The following KANSL1 variants were observed in gnomAD, a reference collection of about 807,000 sequenced individuals.
KANSL1 encodes the protein KAT8 regulatory NSL complex subunit 1.
A neutral mutation model predicts 103.6 loss-of-function variants in KANSL1; 22 were observed. The observed-to-expected ratio is 0.21, with a 90% CI of 0.15 to 0.30. KANSL1 has a LOEUF of 0.30. Ranked by LOEUF, KANSL1 falls within the 10% of genes least tolerant of loss-of-function variation. KANSL1 has a pLI of 1.00. For missense variants in KANSL1, 1,337 were observed against 1,399.8 expected, an observed-to-expected ratio of 0.96 and a Z score of 0.72; for synonymous variants, 600 against 527.6, an observed-to-expected ratio of 1.14 and a Z score of -1.88.
rs760084513 is a variant in KANSL1 at position 46,031,704 on chromosome 17, C to CTGTA, written c.3091-5_3091-2dup. 3 of 1,593,514 alleles carry CTGTA rather than the reference C, an allele frequency of 1.9e-6. No individual in the cohort carries two copies. The highest frequency in any genetic ancestry group is 2.6e-6 in the Non-Finnish European group (3 of 1,164,636). ...TCCGCCGCTCCCAGGGCTGGACAGA[C>CTGTA]TGTAGGCAGACAAGTTGCTCTTTGA... On this transcript the variant is annotated splice_acceptor_variant, in intron 14 of 14. Coordinates refer to ENST00000432791, the MANE Select transcript of KANSL1 (RefSeq NM_015443.4). LOFTEE classifies it high-confidence loss of function.
At chr17:46,160,519 C>T (rs1314461935) in intron 2 of KANSL1, among the ~76,000 whole-genome samples, 1 of 152,170 alleles carries the variant, frequency 6.6e-6, no homozygotes, top group Non-Finnish European at 1.5e-5. Context: ...CTCTAGAACT[C>T]CTGGGCTCAA....
At chr17:46,150,547 T>C (rs2045034605) in intron 2 of KANSL1, among the ~76,000 whole-genome samples, 2 of 152,244 alleles carry the variant, frequency 1.3e-5, no homozygotes, top group Non-Finnish European at 2.9e-5. Flanking sequence ...GGTATTATTG[T>C]TTCAAAGAAA....
intron 2 of KANSL1, among the ~76,000 whole-genome samples, chr17:46,111,778 T>A (rs117729699): frequency 6.6e-6 from 1 of 152,236 alleles, no homozygotes. Flanking sequence ...GGAATTCCTA[T>A]CTTACACTAC....
At chr17:46,203,378 AT>A (rs1471200951) in intron 1 of KANSL1, among the ~76,000 whole-genome samples, 2 of 152,286 alleles carry the variant, frequency 1.3e-5, no homozygotes, top group Admixed American at 1.3e-4. Flanking sequence ...TGTTTATAAC[AT>A]AACACAAACA....
In KANSL1 at chr17:46,031,416, G is replaced by A. The variant is rs1020982547; in HGVS notation, c.*60C>T. 1 of 1,450,824 alleles carries A rather than the reference G, an allele frequency of 6.9e-7. No individual in the cohort carries two copies. The highest frequency in any genetic ancestry group is 1.4e-5 in the African/African-American group (1 of 71,270). 89.9% of individuals were successfully genotyped at this position (1,450,824 alleles called of 1,614,324 possible). ...ATATGATGTTTGAATATCAAACGCA[G>A]AGATTTCTGAAGCTTTAATGCCAAT... On this transcript the variant is annotated 3_prime_UTR_variant, in exon 15 of 15. Coordinates refer to ENST00000432791, the MANE Select transcript of KANSL1 (RefSeq NM_015443.4).
intron 6 of KANSL1, among the ~76,000 whole-genome samples, chr17:46,051,328 T>G (rs2077704852): frequency 6.6e-6 from 1 of 152,212 alleles, no homozygotes; most frequent in African/African-American, 2.4e-5. Context: ...AGTAATAAAA[T>G]AACATTTTGT....
At chr17:46,183,859 G>GC (rs1157608345) in intron 1 of KANSL1, among the ~76,000 whole-genome samples, 1 of 152,176 alleles carries the variant, frequency 6.6e-6, no homozygotes, top group Non-Finnish European at 1.5e-5. Context: ...GCTGCAGTGA[G>GC]CTGAGATGGC....
chr17:46,150,903 T>C (rs1039140792), intron 2 of KANSL1, among the ~76,000 whole-genome samples: 20 of 145,920 alleles, frequency 1.4e-4, no homozygotes, highest in Middle Eastern at 3.2e-3. Context: ...AACAGCTAAG[T>C]TAACTGCAAG....
intron 2 of KANSL1, among the ~76,000 whole-genome samples, chr17:46,108,118 T>C (rs1005689051): frequency 5.9e-5 from 9 of 152,196 alleles, no homozygotes; most frequent in Admixed American, 3.9e-4. Context: ...AGTTCGATCA[T>C]GTCACTCCTC....
upstream of KANSL1, chr17:46,193,430 G>GGAGC (rs954555869): frequency 6.5e-6 from 1 of 152,842 alleles, no homozygotes; most frequent in Non-Finnish European, 1.5e-5. Context: ...GAGGGAGAAT[G>GGAGC]GAGCGAGCGA....
chr17:46,162,503 A>G (rs2045793077), intron 2 of KANSL1, among the ~76,000 whole-genome samples: 2 of 152,234 alleles, frequency 1.3e-5, no homozygotes, highest in Non-Finnish European at 2.9e-5. Context: ...CCATCTTGAC[A>G]TATCCATCCA....
At chr17:46,149,169 A>AT (rs1260994483) in intron 2 of KANSL1, among the ~76,000 whole-genome samples, 2 of 151,612 alleles carry the variant, frequency 1.3e-5, no homozygotes, top group Non-Finnish European at 2.9e-5. Context: ...CGCCCAGCTG[A>AT]TTTTTTGTAT....
intron 2 of KANSL1, among the ~76,000 whole-genome samples, chr17:46,141,225 T>G (rs2044404448): frequency 6.6e-6 from 1 of 152,186 alleles, no homozygotes. Context: ...CACCTGTGAG[T>G]GTACACAACA....
At position 46,215,397 on chromosome 17, in the gene KANSL1, T is replaced by C. The variant is rs1464881599; in HGVS notation, c.-90+8274A>G. ...TCTACCTTCAAAGCTAGTTGAGCCA[T>C]GGTGGAAGAGGGAGGGATATGATCA... On this transcript the variant is annotated intron_variant, in intron 1 of 14. Transcript: ENST00000572904. Among the ~76,000 whole-genome samples, 4 of 152,178 alleles carry C rather than the reference T, an allele frequency of 2.6e-5. No homozygotes were observed. The East Asian group carries it at 5.8e-4, about 22-fold the overall frequency.
At chr17:46,185,098 A>G (rs545295434) in intron 1 of KANSL1, among the ~76,000 whole-genome samples, 1 of 152,296 alleles carries the variant, frequency 6.6e-6, no homozygotes, top group East Asian at 1.9e-4. Flanking sequence ...AAGTGCTGAG[A>G]TTACAGGCAT....
chr17:46,180,639 T>C (rs1044832051), intron 1 of KANSL1, among the ~76,000 whole-genome samples: 37 of 152,310 alleles, frequency 2.4e-4, no homozygotes, highest in African/African-American at 6.7e-4. Context: ...TGAGCTAAGA[T>C]TGAGCCACTG....
chr17:46,125,736 C>A (rs1030898610), intron 2 of KANSL1, among the ~76,000 whole-genome samples: 1 of 152,184 alleles, frequency 6.6e-6, no homozygotes. Context: ...TCAGAGTACC[C>A]TTTTGATCAA....
intron 2 of KANSL1, among the ~76,000 whole-genome samples, chr17:46,156,405 T>C (rs1429509377): frequency 1.3e-5 from 2 of 152,062 alleles, no homozygotes; most frequent in African/African-American, 4.8e-5. Context: ...CTGATAGTGT[T>C]TATATGGAGA....
At chr17:46,203,245 AAAAG>A (rs1410967395) in intron 1 of KANSL1, among the ~76,000 whole-genome samples, 3 of 152,236 alleles carry the variant, frequency 2.0e-5, no homozygotes, top group Non-Finnish European at 4.4e-5. Context: ...GTCTCAAAAA[AAAAG>A]AAAGAAATCC....
Sources: allele counts gnomAD v4.1 joint callset (sites outside exome capture counted in the v4.1 genomes callset), GRCh38; gene constraint gnomAD v4.1.1; transcripts MANE v1.5; gene names NCBI Gene and HGNC (gene_info 2026-07-23, HGNC 2026-07-21).